Variants in DCC observed in about 807,000 individuals in gnomAD.
DCC encodes the protein DCC netrin 1 receptor, also known as netrin receptor DCC.
In DCC, 58 loss-of-function variants were observed where a neutral mutation model predicts 172.5. The observed-to-expected ratio is 0.34, with a 90% CI of 0.27 to 0.42. DCC has a LOEUF of 0.42. DCC is among the 10% of genes least tolerant of loss of function. The pLI is 1.00. For missense variants in DCC, 1,740 were observed against 1,791.0 expected, an observed-to-expected ratio of 0.97 and a Z score of 0.51; for synonymous variants, 709 against 644.5, an observed-to-expected ratio of 1.10 and a Z score of -1.52.
intron 7 of DCC, among the ~76,000 whole-genome samples, chr18:53,114,535 G>A (rs1426020169): frequency 2.6e-5 from 4 of 151,496 alleles, no homozygotes; most frequent in South Asian, 2.1e-4. Flanking sequence ...AAACAGTTGC[G>A]ATGTTATTTT....
chr18:53,342,859 T>G (rs1364169763), intron 15 of DCC, among the ~76,000 whole-genome samples: 2 of 147,782 alleles, frequency 1.4e-5, no homozygotes, highest in Non-Finnish European at 3.0e-5. Context: ...TATATACATA[T>G]GTATATTATA....
intron 2 of DCC, among the ~76,000 whole-genome samples, chr18:52,796,102 C>CT (rs34489844): frequency 0.57 from 82,734 of 144,602 alleles, 27,112 homozygotes; most frequent in East Asian, 0.88. Flanking sequence ...CATGGAATAT[C>CT]TTTTTTTATC....
At chr18:52,726,563 T>A (rs1377366291) in intron 1 of DCC, among the ~76,000 whole-genome samples, 3 of 152,188 alleles carry the variant, frequency 2.0e-5, no homozygotes, top group Admixed American at 2.0e-4. Context: ...TCTAGTTATT[T>A]GGAAATATTT....
intron 5 of DCC, among the ~76,000 whole-genome samples, chr18:53,027,823 T>C (rs2041976514): frequency 6.6e-6 from 1 of 151,644 alleles, no homozygotes; most frequent in Admixed American, 6.6e-5. Context: ...TCAAGAGCAG[T>C]TATTTTTTTT....
intron 5 of DCC, among the ~76,000 whole-genome samples, chr18:53,043,632 G>A (rs2042198928): frequency 6.6e-6 from 1 of 151,756 alleles, no homozygotes; most frequent in Non-Finnish European, 1.5e-5. Flanking sequence ...AGTTTTCTTT[G>A]CCAAAGGAGA....
At chr18:52,968,744 T>C (rs2040975328) in intron 5 of DCC, among the ~76,000 whole-genome samples, 1 of 152,202 alleles carries the variant, frequency 6.6e-6, no homozygotes, top group Non-Finnish European at 1.5e-5. Context: ...GGATACCAGA[T>C]AAATACAAAA....
At chr18:52,622,749 C>T (rs764308522) in intron 1 of DCC, among the ~76,000 whole-genome samples, 1 of 152,194 alleles carries the variant, frequency 6.6e-6, no homozygotes, top group Non-Finnish European at 1.5e-5. Flanking sequence ...ATGGCTGGCA[C>T]CAGCCTGGTG....
At chr18:52,441,067 G>A (rs182215703) in intron 1 of DCC, among the ~76,000 whole-genome samples, 2 of 152,300 alleles carry the variant, frequency 1.3e-5, no homozygotes, top group Admixed American at 6.5e-5. Flanking sequence ...TTGCCTTGAG[G>A]CTATGGACAT....
chr18:52,864,748 T>A (rs1455764748), intron 2 of DCC, among the ~76,000 whole-genome samples: 4 of 152,282 alleles, frequency 2.6e-5, no homozygotes, highest in Admixed American at 6.5e-5. Context: ...GTGTTTTCAT[T>A]GTTCAACTTA....
chr18:52,702,555 C>T (rs1036025458), intron 1 of DCC, among the ~76,000 whole-genome samples: 20 of 152,086 alleles, frequency 1.3e-4, no homozygotes, highest in African/African-American at 4.8e-4. Context: ...GTAATGTTAT[C>T]ATATTTCTGC....
chr18:52,868,077 G>A (rs4245246), intron 2 of DCC, among the ~76,000 whole-genome samples: 69,169 of 119,758 alleles, frequency 0.58, 16,841 homozygotes, highest in Admixed American at 0.68. Flanking sequence ...GTGTGTGTGT[G>A]TATATATGTG....
At chr18:52,486,053 C>T (rs1165127013) in intron 1 of DCC, among the ~76,000 whole-genome samples, 4 of 152,170 alleles carry the variant, frequency 2.6e-5, no homozygotes, top group Non-Finnish European at 2.9e-5. Context: ...AGACAGCATT[C>T]GTGCAGTCAT....
chr18:53,429,604 G>A (rs896483628), intron 21 of DCC, among the ~76,000 whole-genome samples: 5 of 152,024 alleles, frequency 3.3e-5, no homozygotes, highest in African/African-American at 9.7e-5. Context: ...ATGATTAAGA[G>A]AAATATGGGT....
chr18:53,172,123 T>C (rs1301420612), intron 8 of DCC, among the ~76,000 whole-genome samples: 1 of 152,104 alleles, frequency 6.6e-6, no homozygotes, highest in Non-Finnish European at 1.5e-5. Flanking sequence ...ATATACACCA[T>C]GGAATACTAT....
At chr18:53,270,892 T>C (rs527829845) in intron 12 of DCC, among the ~76,000 whole-genome samples, 34 of 152,314 alleles carry the variant, frequency 2.2e-4, no homozygotes, top group African/African-American at 7.9e-4. Context: ...GAGTCCTTAC[T>C]ATGTGCCAGG....
intron 12 of DCC, among the ~76,000 whole-genome samples, chr18:53,257,607 G>C (rs1428167569): frequency 6.6e-6 from 1 of 152,124 alleles, no homozygotes; most frequent in African/African-American, 2.4e-5. Flanking sequence ...TGCTGGATTT[G>C]GTTTGCCAGT....
chr18:53,027,620 G>A (rs1369686566), intron 5 of DCC, among the ~76,000 whole-genome samples: 2 of 152,014 alleles, frequency 1.3e-5, no homozygotes, highest in African/African-American at 2.4e-5. Flanking sequence ...TCCATACTTG[G>A]ACACATCTGA....
intron 28 of DCC, among the ~76,000 whole-genome samples, chr18:53,529,433 G>C (rs2046501339): frequency 1.3e-5 from 2 of 152,102 alleles, no homozygotes; most frequent in African/African-American, 2.4e-5. Flanking sequence ...TTAATCAATG[G>C]AATGCGCTAG....
intron 19 of DCC, among the ~76,000 whole-genome samples, 197 bp downstream of exon 19, chr18:53,403,090 A>G (rs1909428245): frequency 7.3e-6 from 1 of 136,270 alleles, no homozygotes; most frequent in African/African-American, 2.5e-5. Flanking sequence ...ACACACACAC[A>G]CACACACACA....
Sources: gnomAD v4.1 joint callset for allele counts (sites outside exome capture counted in the v4.1 genomes callset) on GRCh38, gnomAD v4.1.1 for gene constraint, MANE v1.5 for transcripts, NCBI Gene and HGNC (gene_info 2026-07-23, HGNC 2026-07-21) for gene names.